Variants in KSR2 observed in about 807,000 individuals in gnomAD.
KSR2 encodes the protein kinase suppressor of ras 2.
In KSR2, 25 loss-of-function variants were observed where a neutral mutation model predicts 107.8. The observed-to-expected ratio is 0.23, with a 90% CI of 0.17 to 0.32. The LOEUF (loss-of-function observed/expected upper bound fraction) is 0.32, where lower values mean the gene tolerates loss of function less well. Ranked by LOEUF, KSR2 falls within the 10% of genes least tolerant of loss-of-function variation. KSR2 has a pLI of 1.00. For missense variants in KSR2, 887 were observed against 1,268.9 expected, an observed-to-expected ratio of 0.70 and a Z score of 4.57; for synonymous variants, 480 against 507.0, an observed-to-expected ratio of 0.95 and a Z score of 0.71.
chr12:117,644,986 C>T (rs78318531), intron 5 of KSR2, among the ~76,000 whole-genome samples: 5,616 of 152,248 alleles, frequency 0.037, 302 homozygotes, highest in African/African-American at 0.12. Context: ...GGAGTTGATT[C>T]ACTCCATGGC....
intron 17 of KSR2, among the ~76,000 whole-genome samples, chr12:117,474,141 A>G (rs1871636047): frequency 6.6e-6 from 1 of 152,174 alleles, no homozygotes; most frequent in Non-Finnish European, 1.5e-5. Flanking sequence ...TTCCTTTTAA[A>G]CCCAACTTTC....
intron 4 of KSR2, among the ~76,000 whole-genome samples, chr12:117,679,523 C>G (rs989760995): frequency 2.1e-4 from 32 of 152,222 alleles, no homozygotes; most frequent in African/African-American, 7.7e-4. Context: ...ACTTGTGTAT[C>G]ACATCCGCAC....
At position 117,667,681 on chromosome 12, in the gene KSR2, G is replaced by A. The variant is rs538577967; in HGVS notation, c.987-23C>T. The A allele has an allele frequency of 4.5e-5, 69 of 1,539,682 alleles. No individual in the cohort carries two copies. The African/African-American group carries it at 9.1e-4, about 20-fold the overall frequency. ...GCTCTGAAAGGGAGACAGAAAAAGA[G>A]GAAAAGGAAATATATCCATAGGTGC... On this transcript the variant is annotated intron_variant, in intron 4 of 19. Transcript: ENST00000339824.
chr12:117,477,207 G>A (rs555499739), intron 16 of KSR2, among the ~76,000 whole-genome samples: 8 of 152,298 alleles, frequency 5.3e-5, no homozygotes, highest in Non-Finnish European at 7.4e-5. Context: ...TTCTCTGCAT[G>A]AGGCTGAAAC....
chr12:117,837,954 G>A (rs1593288365), intron 3 of KSR2, among the ~76,000 whole-genome samples: 2 of 152,210 alleles, frequency 1.3e-5, no homozygotes, highest in East Asian at 3.9e-4. Context: ...GGAGTGTAGG[G>A]CAACCCCACA....
At chr12:117,665,357 T>C (rs924594969) in intron 5 of KSR2, among the ~76,000 whole-genome samples, 31 of 150,778 alleles carry the variant, frequency 2.1e-4, no homozygotes, top group African/African-American at 7.7e-4. Context: ...CTGTGTTTTG[T>C]TGTCTTTTTT....
rs1358713322 is a variant in KSR2, at chr12:117,530,928, C to G, written c.1802+13G>C. 1 of 1,612,744 alleles carries G rather than the reference C, an allele frequency of 6.2e-7. No individual in the cohort carries two copies. Among genetic ancestry groups the G allele is most frequent in the Non-Finnish European group, 8.5e-7 (1 of 1,178,882 alleles). ...AGCTTGGGAAAGGGGGAAGATGTCTCTGTCTCACTTACATTGGATTCGAGG... is the reference window on the plus strand; with the variant it reads ...AGCTTGGGAAAGGGGGAAGATGTCTGTGTCTCACTTACATTGGATTCGAGG... On this transcript the variant is annotated intron_variant, in intron 12 of 19. Coordinates refer to ENST00000339824, the MANE Select transcript of KSR2 (RefSeq NM_173598.6).
intron 3 of KSR2, among the ~76,000 whole-genome samples, chr12:117,767,804 A>G (rs1467434122): frequency 6.6e-6 from 1 of 151,616 alleles, no homozygotes; most frequent in Admixed American, 6.6e-5. Flanking sequence ...AAAAAAAAAA[A>G]AATTCGAGCC....
At chr12:117,893,908 T>C (rs909780714) in intron 1 of KSR2, among the ~76,000 whole-genome samples, 1 of 50,006 alleles carries the variant, frequency 2.0e-5, no homozygotes, top group African/African-American at 1.6e-4. Flanking sequence ...AACAAAATTC[T>C]TTTTTTTTTT....
intron 5 of KSR2, among the ~76,000 whole-genome samples, chr12:117,645,284 A>C (rs1042305875): frequency 4.6e-5 from 7 of 152,184 alleles, no homozygotes; most frequent in Admixed American, 4.6e-4. Context: ...TGATGCCTTT[A>C]TTCTAGAACT....
At chr12:117,553,097 A>C (rs1877425078) in intron 9 of KSR2, among the ~76,000 whole-genome samples, 1 of 152,256 alleles carries the variant, frequency 6.6e-6, no homozygotes, top group Non-Finnish European at 1.5e-5. Flanking sequence ...ACTGAGGCTC[A>C]GAGAGATTAA....
intron 1 of KSR2, among the ~76,000 whole-genome samples, chr12:117,875,275 C>T (rs559389750): frequency 6.6e-6 from 1 of 151,662 alleles, no homozygotes; most frequent in African/African-American, 2.4e-5. Context: ...CAGAGACCTC[C>T]GGGAACGTCC....
chr12:117,701,055 T>C (rs1350250224), intron 4 of KSR2, among the ~76,000 whole-genome samples: 1 of 152,192 alleles, frequency 6.6e-6, no homozygotes, highest in Non-Finnish European at 1.5e-5. Context: ...CCATCCTCCA[T>C]CTGCACAATA....
chr12:117,938,410 T>C (rs1895907877), intron 1 of KSR2, among the ~76,000 whole-genome samples: 1 of 151,932 alleles, frequency 6.6e-6, no homozygotes, highest in African/African-American at 2.4e-5. Flanking sequence ...TCCCAGCACT[T>C]TGAGAGACAG....
intron 17 of KSR2, 37 bp from the exon 18 acceptor site, chr12:117,471,357 T>C: frequency 6.2e-7 from 1 of 1,600,340 alleles, no homozygotes; most frequent in Non-Finnish European, 8.5e-7. Flanking sequence ...GTTGGTGTGG[T>C]GTGTCACTTG....
At chr12:117,924,787 T>C (rs1895459328) in intron 1 of KSR2, among the ~76,000 whole-genome samples, 2 of 152,100 alleles carry the variant, frequency 1.3e-5, no homozygotes, top group South Asian at 4.1e-4. Flanking sequence ...TAAGAACCTG[T>C]ATAGATCCCA....
chr12:117,600,954 C>A (rs1321478310), intron 5 of KSR2, among the ~76,000 whole-genome samples: 1 of 152,190 alleles, frequency 6.6e-6, no homozygotes, highest in Non-Finnish European at 1.5e-5. Flanking sequence ...CACATCTCAG[C>A]TTTGCCCCTG....
At position 117,459,947 on chromosome 12, in the gene KSR2, C is replaced by G. The variant is rs910088653; in HGVS notation, c.*7252G>C. 5 of 152,218 alleles carry G rather than the reference C, an allele frequency of 3.3e-5. No homozygotes were observed. Among genetic ancestry groups the G allele is most frequent in the Non-Finnish European group, 5.9e-5 (4 of 68,042 alleles). 9.4% of individuals were successfully genotyped at this position (152,218 alleles called of 1,614,324 possible). A position where few individuals can be genotyped will look rare whatever the true frequency, so the allele number is the denominator to read the frequency against. On this transcript the variant is annotated 3_prime_UTR_variant, in exon 20 of 20. Transcript: ENST00000339824. ...GTTGACCTTGTTGGAGATTCAGAAA[C>G]AAGCCTGGGAAAGCTTGGGAAGAAC... is the stretch of plus-strand genomic sequence containing the variant.
chr12:117,531,109 C>T (rs879164925), intron 11 of KSR2, 96 bp from the exon 12 acceptor site: 10 of 993,690 alleles, frequency 1.0e-5, no homozygotes, highest in South Asian at 2.7e-5. Flanking sequence ...CAATTTTTCA[C>T]CAGATCTTGG....
Sources: allele counts gnomAD v4.1 joint callset (sites outside exome capture counted in the v4.1 genomes callset), GRCh38; gene constraint gnomAD v4.1.1; transcripts MANE v1.5; gene names NCBI Gene and HGNC (gene_info 2026-07-23, HGNC 2026-07-21).